ZAN: variants seen among roughly 807,000 people sequenced by gnomAD.
The protein encoded by ZAN is zonadhesin (gene/pseudogene).
Under a neutral mutation model 286.2 loss-of-function variants are expected in ZAN, and 260 were observed. The observed-to-expected ratio is 0.91, with a 90% CI of 0.82 to 1.01. ZAN has a LOEUF of 1.01. Among genes scored for constraint, ZAN ranks in the 50% least tolerant of loss-of-function variants. The pLI, the probability that ZAN is intolerant of heterozygous loss-of-function variation, is 0.00. For synonymous variants in ZAN, 1,368 were observed against 1,417.5 expected (o/e 0.97, Z 0.79); for missense variants, 3,410 against 3,639.2 (o/e 0.94, Z 1.62).
In ZAN at chr7:100,751,806, C is replaced by A. The variant is rs140036951; in HGVS notation, c.1701C>A (p.Thr567=). ...TGLTENPTIS[T]KKPTVSIEKP... Reference sequence around the variant, plus strand: ...TCACAGAAAACCCTACAATCTCCACCAAGAAACCTACAGTTTCCATAGAAA... The same window carrying A: ...TCACAGAAAACCCTACAATCTCCACAAAGAAACCTACAGTTTCCATAGAAA... Residue 567 remains threonine (T), a synonymous_variant, in exon 14 of 48, where the codon ACC becomes ACA. Coordinates refer to ENST00000613979, the MANE Select transcript of ZAN (RefSeq NM_003386.3). 2.8e-4 allele frequency: 447 copies of A among 1,613,508 alleles called. No individual in the cohort carries two copies. The African/African-American group carries it at 4.7e-3, about 17-fold the overall frequency.
At position 100,754,229 on chromosome 7, in the gene ZAN, C is replaced by G. The variant is rs369390601; in HGVS notation, c.3125-997C>G. 1.4e-4 allele frequency among the ~76,000 whole-genome samples: 21 copies of G among 152,136 alleles called. No individual in the cohort carries two copies. The East Asian group carries it at 2.3e-3, about 17-fold the overall frequency. On this transcript the variant is annotated intron_variant, in intron 14 of 47. Transcript: ENST00000613979. ...ATCCCAACACTTTGGGAGGCTGAGG[C>G]GGGCAGATCACAAGGTCAGGAGATC...
At chr7:100,781,713 T>A (rs1362662510) in intron 35 of ZAN, among the ~76,000 whole-genome samples, 1 of 150,012 alleles carries the variant, frequency 6.7e-6, no homozygotes, top group African/African-American at 2.4e-5. Flanking sequence ...TGATCTCGGC[T>A]CACTGTGACC....
At chr7:100,780,924 C>A (rs769099443) in intron 35 of ZAN, among the ~76,000 whole-genome samples, 1 of 151,728 alleles carries the variant, frequency 6.6e-6, no homozygotes, top group African/African-American at 2.4e-5. Flanking sequence ...ACCCCCGCAT[C>A]GCTACAAAAA....
At chr7:100,797,048 G>C (rs898005569) in intron 45 of ZAN, among the ~76,000 whole-genome samples, 1 of 152,134 alleles carries the variant, frequency 6.6e-6, no homozygotes, top group Non-Finnish European at 1.5e-5. Flanking sequence ...GGCTGAGGGG[G>C]AGGATTGCTT....
chr7:100,768,066 C>T, intron 26 of ZAN, 55 bp downstream of exon 26: 1 of 1,546,708 alleles, frequency 6.5e-7, no homozygotes, highest in Non-Finnish European at 8.7e-7. Context: ...GGCGTGTGAC[C>T]TGGTCCCAGC....
At chr7:100,747,775 C>A in intron 9 of ZAN, 134 bp downstream of exon 9, 1 of 888,422 alleles carries the variant, frequency 1.1e-6, no homozygotes, top group Non-Finnish European at 1.8e-6. Context: ...AGGATCGCTT[C>A]AGGACAGGAG....
intron 7 of ZAN, among the ~76,000 whole-genome samples, chr7:100,738,873 T>TTCTTCTTCTTCTCCC (rs1562911230): frequency 4.1e-5 from 1 of 24,150 alleles, no homozygotes; most frequent in Non-Finnish European, 8.7e-5. Context: ...CCTCTTCTTC[T>TTCTTCTTCTTCTCCC]TCTCCCTCTC....
chr7:100,747,402 A>G (rs1348718508), intron 8 of ZAN, 148 bp from the exon 9 acceptor site: 36 of 642,266 alleles, frequency 5.6e-5, no homozygotes, highest in South Asian at 2.3e-4. Flanking sequence ...AAAATAATGA[A>G]TAAATAAAAT....
rs958059048 is a variant in ZAN, at chr7:100,776,584, C to A, written c.6317+20C>A. The A allele has an allele frequency of 2.0e-6, 3 of 1,503,368 alleles. No individual in the cohort carries two copies. Among genetic ancestry groups the A allele is most frequent in the Middle Eastern group, 1.7e-4 (1 of 5,794 alleles). The allele number at this position is 1,503,368 out of a possible 1,614,324, so 93.1% of individuals were successfully genotyped here. ...CCCAAGGTAGTGGTCCCCTAAGACC[C>A]TCTAGGTTTTCTTTCTTTTTCTTTC... On this transcript the variant is annotated intron_variant, in intron 34 of 47. Coordinates refer to ENST00000613979, the MANE Select transcript of ZAN (RefSeq NM_003386.3).
rs373091231 is a variant in ZAN, at chr7:100,746,593, C to T, written c.822C>T (p.Val274=). 1 of 1,613,888 alleles carries T rather than the reference C, an allele frequency of 6.2e-7. No individual in the cohort carries two copies. Among genetic ancestry groups the T allele is most frequent in the African/African-American group, 1.3e-5 (1 of 74,930 alleles). ...PKNARPGQKA[V]LLSPVSLSSG... The stretch of plus-strand genomic sequence containing the variant: ...ATGCAAGACCTGGGCAGAAAGCTGT[C>T]CTCCTGAGCCCCGTGAGCCTGTCCT... The change falls in exon 8 of 48, where the codon GTC becomes GTT. Residue 274 remains valine, a synonymous_variant. Transcript: ENST00000613979.
In ZAN at chr7:100,792,145, A is replaced by G; in HGVS notation, c.7709A>G (p.Gln2570Arg). 6.2e-7 allele frequency: 1 copy of G among 1,605,810 alleles called. No homozygotes were observed. Among genetic ancestry groups the G allele is most frequent in the East Asian group, 2.2e-5 (1 of 44,786 alleles). ...CHQTVAPEPF[Q>R]EHCVLDLCSA... Reference sequence around the variant, plus strand: ...CAGACGGTGGCCCCAGAGCCCTTCCAAGAGTGAGTCATGGGCCCAGGACTT... The same window carrying G: ...CAGACGGTGGCCCCAGAGCCCTTCCGAGAGTGAGTCATGGGCCCAGGACTT... The change falls in exon 41 of 48, where the codon CAA (glutamine) becomes CGA (arginine). Residue 2570 changes from glutamine to arginine, a missense_variant. This residue lies in a region of ZAN where 1,289 missense variants were observed against 1,314.3 expected (regional missense o/e 0.98). Coordinates refer to ENST00000613979, the MANE Select transcript of ZAN (RefSeq NM_003386.3).
Position 100,775,818 on chromosome 7 carries a change from A to G in ZAN, c.6177A>G (p.Thr2059=). The part of the protein sequence containing the change: ...GNHLLEIEIP[T]TYYGKVCGMC... Reference sequence around the variant, plus strand: ...ATCTCTTAGAGATTGAAATCCCCACAACCTACTATGGAAAGGTGAGGAAAA... The same window carrying G: ...ATCTCTTAGAGATTGAAATCCCCACGACCTACTATGGAAAGGTGAGGAAAA... Residue 2059 remains threonine, a synonymous_variant, in exon 33 of 48, where the codon ACA becomes ACG. Transcript: ENST00000613979. 1 of 1,613,722 alleles carries G rather than the reference A, an allele frequency of 6.2e-7. No individual in the cohort carries two copies. Among genetic ancestry groups the G allele is most frequent in the Non-Finnish European group, 8.5e-7 (1 of 1,179,844 alleles).
chr7:100,739,428 G>T (rs923154012), intron 7 of ZAN, among the ~76,000 whole-genome samples: 1 of 137,772 alleles, frequency 7.3e-6, no homozygotes, highest in Non-Finnish European at 1.6e-5. Flanking sequence ...GTGTGGTAGC[G>T]GGGGGGCAGT....
rs1329162457 is a variant in ZAN, at chr7:100,735,887, C to T, written c.106+115C>T. The T allele has an allele frequency of 2.4e-5, 20 of 835,570 alleles. 3 individuals are homozygous for T. The highest frequency in any genetic ancestry group is 3.0e-4 in the Middle Eastern group (1 of 3,298). The allele number at this position is 835,570 out of a possible 1,614,324, so 51.8% of individuals were successfully genotyped here. A position where few individuals can be genotyped will look rare whatever the true frequency, so the allele number is the denominator to read the frequency against. ...AGGAGCAGCCACCTCCAGTCCCCTC[C>T]GGGCATCAGCCAGGACTACAAAATG... is the stretch of plus-strand genomic sequence containing the variant. On this transcript the variant is annotated intron_variant, in intron 3 of 47. Transcript: ENST00000613979.
At chr7:100,748,931 G>A (rs995530371) in intron 11 of ZAN, among the ~76,000 whole-genome samples, 2 of 152,006 alleles carry the variant, frequency 1.3e-5, no homozygotes, top group Non-Finnish European at 2.9e-5. Flanking sequence ...ACCTACTTGC[G>A]AGGCTGATGT....
chr7:100,748,370 T>C lies in ZAN; in HGVS notation c.1149T>C (p.Cys383=). Residue 383 remains cysteine (C), a synonymous_variant, in exon 11 of 48, where the codon TGT becomes TGC. Transcript: ENST00000613979. ...CDFEDNAHPF[C]DWVQTSGDGG... Reference sequence around the variant, plus strand: ...TTGAAGACAACGCCCATCCCTTCTGTGACTGGGTCCAGACTTCCGGGGATG... The same window carrying C: ...TTGAAGACAACGCCCATCCCTTCTGCGACTGGGTCCAGACTTCCGGGGATG... The C allele has an allele frequency of 6.2e-7, 1 of 1,614,022 alleles. No homozygotes were observed. The highest frequency in any genetic ancestry group is 8.5e-7 in the Non-Finnish European group (1 of 1,179,906).
At chr7:100,738,851 CTTCT>C (rs1207917850) in intron 7 of ZAN, among the ~76,000 whole-genome samples, 1 of 118,492 alleles carries the variant, frequency 8.4e-6, no homozygotes, top group East Asian at 2.3e-4. Context: ...TCTTCTTCTT[CTTCT>C]TTCTCTTCCT....
chr7:100,770,043 G>A, intron 28 of ZAN, 69 bp downstream of exon 28: 1 of 1,443,574 alleles, frequency 6.9e-7, no homozygotes, highest in South Asian at 1.2e-5. Flanking sequence ...AGTCTAGTCA[G>A]GGAGGGAGAA....
At chr7:100,738,328 G>A in intron 6 of ZAN, 133 bp from the exon 7 acceptor site, 2 of 851,222 alleles carry the variant, frequency 2.3e-6, no homozygotes, top group South Asian at 1.5e-5. Flanking sequence ...TGAGGTGGGA[G>A]GACCGCTTGA....
Sources: gnomAD v4.1 joint callset for allele counts (sites outside exome capture counted in the v4.1 genomes callset) on GRCh38, gnomAD v4.1.1 for gene constraint, gnomAD v4.1.1 regional missense constraint, MANE v1.5 for transcripts, NCBI Gene and HGNC (gene_info 2026-07-23, HGNC 2026-07-21) for gene names.